Variants in HPN observed in about 807,000 individuals in gnomAD.
HPN encodes hepsin.
A neutral mutation model predicts 55.9 loss-of-function variants in HPN; 13 were observed. The ratio of observed to expected loss-of-function variants is 0.23; its 90% CI spans 0.15 to 0.37. The LOEUF is 0.37. Among genes scored for constraint, HPN ranks in the 10% least tolerant of loss-of-function variants. The pLI is 1.00. For missense variants in HPN, 451 were observed against 575.8 expected, an observed-to-expected ratio of 0.78 and a Z score of 2.22; for synonymous variants, 225 against 240.3, an observed-to-expected ratio of 0.94 and a Z score of 0.59.
intron 9 of HPN, among the ~76,000 whole-genome samples, chr19:35,061,775 A>C (rs1046921218): frequency 1.3e-5 from 2 of 151,796 alleles, no homozygotes; most frequent in African/African-American, 4.8e-5. Context: ...ACTTGTATGA[A>C]ATGTACAAGG....
chr19:35,064,808 G>A (rs560834527), intron 9 of HPN, among the ~76,000 whole-genome samples: 18 of 116,384 alleles, frequency 1.5e-4, no homozygotes, highest in African/African-American at 2.6e-4. Context: ...GGCGACTTCC[G>A]TTGTGGCTTT....
At chr19:35,060,291 T>TGGGGGCCTGGGCTCC in intron 7 of HPN, 56 bp from the exon 8 acceptor site, 1 of 1,607,172 alleles carries the variant, frequency 6.2e-7, no homozygotes, top group Non-Finnish European at 8.5e-7. Context: ...GCCTGGGCTC[T>TGGGGGCCTGGGCTCC]GGGGACCTGG....
intron 4 of HPN, among the ~76,000 whole-genome samples, chr19:35,050,894 TTTTCTTTC>T (rs1363041328): frequency 6.8e-6 from 1 of 147,804 alleles, no homozygotes; most frequent in South Asian, 2.2e-4. Flanking sequence ...TTTCTTTTTT[TTTTCTTTC>T]TTTCTTTCTT....
At chr19:35,056,881 G>C (rs186982312) in intron 4 of HPN, among the ~76,000 whole-genome samples, 4 of 151,570 alleles carry the variant, frequency 2.6e-5, no homozygotes, top group African/African-American at 9.6e-5. Flanking sequence ...CTGCATAAAA[G>C]AGCATTATTG....
intron 2 of HPN, among the ~76,000 whole-genome samples, chr19:35,048,039 A>AG (rs2064361164): frequency 1.9e-5 from 1 of 52,024 alleles, no homozygotes; most frequent in Non-Finnish European, 3.5e-5. Flanking sequence ...AAAGAAAGAA[A>AG]GAAAGAAAGA....
chr19:35,060,085 C>T, intron 6 of HPN, 44 bp from the exon 7 acceptor site: 1 of 1,614,062 alleles, frequency 6.2e-7, no homozygotes, highest in Non-Finnish European at 8.5e-7. Flanking sequence ...CTTAACTGGT[C>T]TCTATTTCCT....
At chr19:35,041,981 C>G in intron 1 of HPN, 109 bp downstream of exon 1, 1 of 1,193,048 alleles carries the variant, frequency 8.4e-7, no homozygotes, top group Non-Finnish European at 1.1e-6. Context: ...TCCTGGGGAC[C>G]TGAAGAGGGG....
intron 2 of HPN, among the ~76,000 whole-genome samples, chr19:35,047,932 G>A (rs950216658): frequency 6.6e-6 from 1 of 150,936 alleles, no homozygotes; most frequent in African/African-American, 2.4e-5. Context: ...TGAGACTGCA[G>A]TGTGCCATGA....
chr19:35,049,352 C>A lies in HPN; in HGVS notation c.79C>A (p.Leu27Ile). 1 of 1,602,928 alleles carries A rather than the reference C, an allele frequency of 6.2e-7. No individual in the cohort carries two copies. Among genetic ancestry groups the A allele is most frequent in the Non-Finnish European group, 8.5e-7 (1 of 1,173,060 alleles). ...GGCAGCTCTCACTGCGGGGACCCTG[C>A]TACTTCTGACAGCCATCGGGGCGGC... ...KVAALTAGTL[L>I]LLTAIGAASW... Residue 27 changes from leucine (L) to isoleucine (I), a missense_variant, in exon 3 of 13, where the codon CTA becomes ATA. Leu to Ile is a conservative substitution (Grantham distance 5). Coordinates refer to ENST00000672452, the MANE Select transcript of HPN (RefSeq NM_001384133.1).
At chr19:35,059,598 G>A (rs1321005055) in intron 4 of HPN, 75 bp from the exon 5 acceptor site, 1 of 1,534,246 alleles carries the variant, frequency 6.5e-7, no homozygotes, top group African/African-American at 1.4e-5. Context: ...CAGGCCAGGA[G>A]GGGCTCCGGC....
intron 2 of HPN, 69 bp downstream of exon 2, chr19:35,042,591 A>G: frequency 1.5e-6 from 2 of 1,348,166 alleles, no homozygotes; most frequent in East Asian, 2.4e-5. Flanking sequence ...TCTTTTCTCT[A>G]CCCTCTACTC....
chr19:35,054,225 C>T (rs1210392982), intron 4 of HPN, among the ~76,000 whole-genome samples: 1 of 152,156 alleles, frequency 6.6e-6, no homozygotes, highest in Non-Finnish European at 1.5e-5. Flanking sequence ...TGAGACCAGC[C>T]TGGCCAACAT....
At chr19:35,044,035 G>A (rs947946279) in intron 2 of HPN, among the ~76,000 whole-genome samples, 1 of 152,250 alleles carries the variant, frequency 6.6e-6, no homozygotes, top group Non-Finnish European at 1.5e-5. Context: ...TACTTGCCGG[G>A]TGACCCGGGT....
At chr19:35,053,227 C>T (rs978109824) in intron 4 of HPN, among the ~76,000 whole-genome samples, 2 of 152,156 alleles carry the variant, frequency 1.3e-5, no homozygotes, top group African/African-American at 4.8e-5. Context: ...TCCCCACTCC[C>T]ATCTCCCCCA....
At position 35,066,266 on chromosome 19, in the gene HPN, C is replaced by A. The variant is rs778519202; in HGVS notation, c.1233C>A (p.Ser411Arg). 1 of 1,613,402 alleles carries A rather than the reference C, an allele frequency of 6.2e-7. No homozygotes were observed. Among genetic ancestry groups the A allele is most frequent in the South Asian group, 1.1e-5 (1 of 90,962 alleles). The change falls in exon 13 of 13, where the codon AGC (serine) becomes AGA (arginine). Residue 411 changes from serine to arginine, a missense_variant. Ser to Arg is a moderately radical substitution (Grantham distance 110). Coordinates refer to ENST00000672452, the MANE Select transcript of HPN (RefSeq NM_001384133.1). ...TTCCCCAGACTCACTCCGAAGCCAG[C>A]GGCATGGTGACCCAGCTCTGACCGG... ...FQAIKTHSEASGMVTQL is the reference protein window; with the variant it reads ...FQAIKTHSEARGMVTQL
intron 9 of HPN, among the ~76,000 whole-genome samples, chr19:35,064,107 A>T (rs2064570071): frequency 6.6e-6 from 1 of 151,888 alleles, no homozygotes; most frequent in South Asian, 2.1e-4. Context: ...TATTATTTCC[A>T]TTCTACATCT....
Position 35,049,275 on chromosome 19 carries a change from T to C in HPN, c.17-15T>C, listed in dbSNP as rs779330816. The C allele has an allele frequency of 6.6e-7, 1 of 1,517,246 alleles. No homozygotes were observed. The highest frequency in any genetic ancestry group is 1.3e-5 in the South Asian group (1 of 76,308). The allele number at this position is 1,517,246 out of a possible 1,614,324, so 94.0% of individuals were successfully genotyped here. ...GACAGGCCTGGCTGTGGCCCCAGCA[T>C]GGTGTCTGTTGCAGGTGGCCGGACT... On this transcript the variant is annotated splice_polypyrimidine_tract_variant and intron_variant, in intron 2 of 12. Coordinates refer to ENST00000672452, the MANE Select transcript of HPN (RefSeq NM_001384133.1).
At chr19:35,060,041 A>G (rs768921865) in intron 6 of HPN, 45 bp downstream of exon 6, 5 of 1,612,852 alleles carry the variant, frequency 3.1e-6, no homozygotes, top group Middle Eastern at 3.3e-4. Context: ...CAGACCCCCA[A>G]GGCACTCCCT....
chr19:35,061,112 C>T (rs2064526609), intron 9 of HPN, among the ~76,000 whole-genome samples: 1 of 152,196 alleles, frequency 6.6e-6, no homozygotes, highest in Admixed American at 6.5e-5. Flanking sequence ...TGCACCAAAA[C>T]TCGTACATCA....
Sources: gnomAD v4.1 joint callset for allele counts (sites outside exome capture counted in the v4.1 genomes callset) on GRCh38, gnomAD v4.1.1 for gene constraint, MANE v1.5 for transcripts, NCBI Gene and HGNC (gene_info 2026-07-23, HGNC 2026-07-21) for gene names.